The following SKI variants were observed in gnomAD, a reference collection of about 807,000 sequenced individuals.
The protein encoded by SKI is SKI proto-oncogene, also known as ski oncogene.
In SKI, 23 loss-of-function variants were observed where a neutral mutation model predicts 59.3. The observed-to-expected ratio is 0.39, with a 90% CI of 0.28 to 0.55. The LOEUF (loss-of-function observed/expected upper bound fraction) is 0.55. Ranked by LOEUF, SKI falls within the 20% of genes least tolerant of loss-of-function variation. The probability of loss-of-function intolerance (pLI) is 0.67; values close to 1 mark genes in which losing one functional copy is unlikely to be tolerated. For missense variants in SKI, 1,017 were observed against 1,038.9 expected (o/e 0.98, Z 0.29); for synonymous variants, 673 against 488.6 (o/e 1.38, Z -4.98).
At chr1:2,286,390 G>A (rs1322666846) in intron 1 of SKI, among the ~76,000 whole-genome samples, 1 of 152,118 alleles carries the variant, frequency 6.6e-6, no homozygotes, top group Non-Finnish European at 1.5e-5. Flanking sequence ...CTACTCTAGA[G>A]GCTGAGAGGG....
chr1:2,229,340 G>A lies in SKI; in HGVS notation c.574G>A (p.Gly192Ser), dbSNP rs1638578159. 2 of 1,595,632 alleles carry A rather than the reference G, an allele frequency of 1.3e-6. No homozygotes were observed. Among genetic ancestry groups the A allele is most frequent in the South Asian group, 1.1e-5 (1 of 89,412 alleles). Reference sequence around the variant, plus strand: ...GCGCCTGTGCAACGCGCTGCTCTACGGCGGCGCCTACCCGCCGCCCTGCAA... The same window carrying A: ...GCGCCTGTGCAACGCGCTGCTCTACAGCGGCGCCTACCCGCCGCCCTGCAA... ...AERLCNALLY[G>S]GAYPPPCKKE... is the part of the protein sequence containing the mutation. The change falls in exon 1 of 7, where the codon GGC becomes AGC. Residue 192 changes from glycine (G) to serine (S), a missense_variant. Gly to Ser is a moderately conservative substitution (Grantham distance 56). Transcript: ENST00000378536. The surrounding 1 kb of genome is among the most constrained non-coding windows in gnomAD (Gnocchi z 6.3).
chr1:2,300,271 C>T (rs1640392479), intron 1 of SKI, among the ~76,000 whole-genome samples: 1 of 152,246 alleles, frequency 6.6e-6, no homozygotes, highest in Middle Eastern at 3.2e-3. Flanking sequence ...GCCTGAAGGG[C>T]TTTGGGATGG....
intron 1 of SKI, among the ~76,000 whole-genome samples, chr1:2,248,716 C>G (rs1459710384): frequency 1.3e-5 from 2 of 152,376 alleles, no homozygotes; most frequent in Non-Finnish European, 2.9e-5. Context: ...TGCTGTTTAA[C>G]TCACTGTCTT....
chr1:2,237,931 TAAG>T (rs1638786930), intron 1 of SKI, among the ~76,000 whole-genome samples: 1 of 152,194 alleles, frequency 6.6e-6, no homozygotes, highest in Admixed American at 6.5e-5. Flanking sequence ...ACGGGTTACT[TAAG>T]GAGTCCAACG....
Position 2,229,642 on chromosome 1 carries a change from G to A in SKI, c.876G>A (p.Thr292=). Reference sequence around the variant, plus strand: ...ACATCCTGCTGAGCCAGGATTACACGGGCAAGGAGGAGCAGGCGCGCCTCG... The same window carrying A: ...ACATCCTGCTGAGCCAGGATTACACAGGCAAGGAGGAGCAGGCGCGCCTCG... ...RAYILLSQDY[T]GKEEQARLGR... Residue 292 remains threonine, a synonymous_variant, in exon 1 of 7, where the codon ACG becomes ACA. Transcript: ENST00000378536. The surrounding 1 kb of genome is among the most constrained non-coding windows in gnomAD (Gnocchi z 6.3). 6.8e-6 allele frequency: 11 copies of A among 1,612,306 alleles called. No individual in the cohort carries two copies. The highest frequency in any genetic ancestry group is 9.3e-6 in the Non-Finnish European group (11 of 1,179,802).
intron 1 of SKI, among the ~76,000 whole-genome samples, chr1:2,256,451 C>T (rs981360382): frequency 6.6e-6 from 1 of 152,230 alleles, no homozygotes; most frequent in African/African-American, 2.4e-5. Flanking sequence ...CTTCTCTGCC[C>T]CCTCCCTCTG....
chr1:2,241,953 G>C (rs2100809808), intron 1 of SKI, among the ~76,000 whole-genome samples: 1 of 151,490 alleles, frequency 6.6e-6, no homozygotes, highest in South Asian at 2.1e-4. Context: ...GCCTGTCTGT[G>C]TGTGTGTGTG....
intron 1 of SKI, among the ~76,000 whole-genome samples, chr1:2,252,003 G>A (rs1639161519): frequency 2.6e-5 from 4 of 152,262 alleles, no homozygotes; most frequent in African/African-American, 4.8e-5. Context: ...CAGACGCGCC[G>A]TGGCACGTGG....
At chr1:2,291,120 G>A (rs1022448057) in intron 1 of SKI, among the ~76,000 whole-genome samples, 6 of 152,200 alleles carry the variant, frequency 3.9e-5, no homozygotes, top group African/African-American at 7.2e-5. Context: ...GACGAGCTGC[G>A]AATGCAGGCG....
chr1:2,251,778 A>G (rs529355732), intron 1 of SKI, among the ~76,000 whole-genome samples: 1 of 152,324 alleles, frequency 6.6e-6, no homozygotes, highest in Admixed American at 6.5e-5. Flanking sequence ...ATGAACCGCA[A>G]AGTATTTCTT....
intron 1 of SKI, among the ~76,000 whole-genome samples, chr1:2,232,148 C>G (rs1638652854): frequency 6.6e-6 from 1 of 152,254 alleles, no homozygotes; most frequent in African/African-American, 2.4e-5. Flanking sequence ...ACAGCTTATT[C>G]TCGGGATATG....
intron 1 of SKI, among the ~76,000 whole-genome samples, chr1:2,289,711 C>A (rs1317269148): frequency 6.6e-6 from 1 of 152,090 alleles, no homozygotes; most frequent in Non-Finnish European, 1.5e-5. Flanking sequence ...CTTGTCCAGC[C>A]TTTTGAGATG....
At chr1:2,277,472 TTCC>T (rs1283037448) in intron 1 of SKI, among the ~76,000 whole-genome samples, 3 of 152,218 alleles carry the variant, frequency 2.0e-5, no homozygotes, top group Non-Finnish European at 4.4e-5. Flanking sequence ...CTGCTTTTGC[TTCC>T]TCCTCATTTT....
At chr1:2,299,696 A>T (rs1640377287) in intron 1 of SKI, among the ~76,000 whole-genome samples, 1 of 151,762 alleles carries the variant, frequency 6.6e-6, no homozygotes, top group African/African-American at 2.4e-5. Flanking sequence ...CAGTTCTGTG[A>T]CCTCCAGACT....
chr1:2,286,409 C>G (rs1640040682), intron 1 of SKI, among the ~76,000 whole-genome samples: 1 of 152,122 alleles, frequency 6.6e-6, no homozygotes, highest in South Asian at 2.1e-4. Flanking sequence ...GGGAGGATCA[C>G]TTGAGCAGCC....
intron 1 of SKI, among the ~76,000 whole-genome samples, chr1:2,242,219 C>T (rs1175479885): frequency 6.6e-6 from 1 of 152,182 alleles, no homozygotes; most frequent in Non-Finnish European, 1.5e-5. Context: ...TGAACACTTC[C>T]CGTGCATGTC....
intron 1 of SKI, among the ~76,000 whole-genome samples, chr1:2,300,620 C>T (rs777573988): frequency 6.6e-6 from 1 of 152,232 alleles, no homozygotes; most frequent in Non-Finnish European, 1.5e-5. Flanking sequence ...AGTGTCACTT[C>T]CTCCGCCCAC....
intron 1 of SKI, chr1:2,240,613 C>A (rs1467705127): frequency 1.0e-6 from 1 of 985,344 alleles, no homozygotes; most frequent in Non-Finnish European, 1.2e-6. Context: ...GCAGAGTTCT[C>A]TTTAGCCCGA....
intron 1 of SKI, among the ~76,000 whole-genome samples, chr1:2,294,079 G>GGGT (rs1640230360): frequency 6.6e-6 from 1 of 152,218 alleles, no homozygotes; most frequent in African/African-American, 2.4e-5. Context: ...ATGTCGTGCA[G>GGGT]GAAGGTTCGA....
Sources: allele counts gnomAD v4.1 joint callset (sites outside exome capture counted in the v4.1 genomes callset), GRCh38; gene constraint gnomAD v4.1.1; non-coding constraint Gnocchi (gnomAD v3.1); transcripts MANE v1.5; gene names NCBI Gene and HGNC (gene_info 2026-07-23, HGNC 2026-07-21).